The following FRMD4A variants were observed in gnomAD, a reference collection of about 807,000 sequenced individuals.
FRMD4A encodes FERM domain-containing protein 4A.
In FRMD4A, 29 loss-of-function variants were observed where a neutral mutation model predicts 129.1. The ratio of observed to expected loss-of-function variants is 0.22; its 90% CI spans 0.17 to 0.31. The LOEUF (loss-of-function observed/expected upper bound fraction) is 0.31, where lower values mean the gene tolerates loss of function less well. Among genes scored for constraint, FRMD4A ranks in the 10% least tolerant of loss-of-function variants. The probability of loss-of-function intolerance (pLI) is 1.00; values close to 1 mark genes in which losing one functional copy is unlikely to be tolerated. For missense variants in FRMD4A, 1,272 were observed against 1,375.8 expected, an observed-to-expected ratio of 0.92 and a Z score of 1.19; for synonymous variants, 634 against 571.6, an observed-to-expected ratio of 1.11 and a Z score of -1.56.
At chr10:13,836,656 A>G (rs923475292) in intron 3 of FRMD4A, among the ~76,000 whole-genome samples, 2 of 152,124 alleles carry the variant, frequency 1.3e-5, no homozygotes, top group African/African-American at 2.4e-5. Flanking sequence ...ACATACCCCA[A>G]AATGAGTTTG....
At chr10:14,082,169 C>G (rs1474234177) in intron 2 of FRMD4A, among the ~76,000 whole-genome samples, 2 of 152,122 alleles carry the variant, frequency 1.3e-5, no homozygotes, top group East Asian at 3.9e-4. Context: ...ATTGCTTGAA[C>G]CTGGGAGGCA....
chr10:13,799,798 G>C (rs1219968537), intron 4 of FRMD4A, among the ~76,000 whole-genome samples: 1 of 152,080 alleles, frequency 6.6e-6, no homozygotes, highest in Non-Finnish European at 1.5e-5. Flanking sequence ...GCCTAAGTCT[G>C]GGGTTTCTTT....
In FRMD4A at chr10:13,861,520, T is replaced by G. The variant is rs1358632094; in HGVS notation, c.46-2608A>C. On this transcript the variant is annotated intron_variant, in intron 2 of 24. Coordinates refer to ENST00000357447, the MANE Select transcript of FRMD4A (RefSeq NM_018027.5). Reference sequence around the variant, plus strand: ...TAACAATGACTTAGCAGCCCCCAGCTCTGAGAAAAATCAAGAAAAGTTTCA... The same window carrying G: ...TAACAATGACTTAGCAGCCCCCAGCGCTGAGAAAAATCAAGAAAAGTTTCA... 3.9e-5 allele frequency among the ~76,000 whole-genome samples: 6 copies of G among 152,324 alleles called. No homozygotes were observed. The East Asian group carries it at 5.8e-4, about 15-fold the overall frequency.
intron 2 of FRMD4A, among the ~76,000 whole-genome samples, chr10:14,295,655 C>T (rs72780816): frequency 9.9e-5 from 15 of 152,282 alleles, no homozygotes; most frequent in Non-Finnish European, 1.6e-4. Context: ...GGGGATGGCG[C>T]TTACAAAATC....
chr10:13,918,780 G>A (rs570762405), intron 2 of FRMD4A, among the ~76,000 whole-genome samples: 3 of 151,788 alleles, frequency 2.0e-5, no homozygotes, highest in South Asian at 4.2e-4. Context: ...CGCCTGCCTC[G>A]GCCTCCCAAA....
intron 5 of FRMD4A, among the ~76,000 whole-genome samples, chr10:13,796,087 T>A (rs1430646862): frequency 6.6e-6 from 1 of 152,138 alleles, no homozygotes; most frequent in Non-Finnish European, 1.5e-5. Context: ...CTACCCAGGT[T>A]TCACGAGATT....
intron 2 of FRMD4A, among the ~76,000 whole-genome samples, chr10:14,098,047 T>TAGA: frequency 1.1e-5 from 1 of 91,478 alleles, no homozygotes; most frequent in African/African-American, 3.4e-5. Flanking sequence ...ATATAAATTA[T>TAGA]TTATTATATA....
chr10:13,821,136 CG>C lies in FRMD4A; in HGVS notation c.112-10229del, dbSNP rs974415190. Among the ~76,000 whole-genome samples, 5 of 152,166 alleles carry C rather than the reference CG, an allele frequency of 3.3e-5. No individual in the cohort carries two copies. The highest frequency in any genetic ancestry group is 3.9e-4 in the East Asian group (2 of 5,182). ...TATTCCCGGGGAGGGGAAGCTGCTGCGGGGGGTGCATGAGGTGACTCTGTGC... is the reference window on the plus strand; with the variant it reads ...TATTCCCGGGGAGGGGAAGCTGCTGCGGGGGTGCATGAGGTGACTCTGTGC... On this transcript the variant is annotated intron_variant, in intron 3 of 24. Coordinates refer to ENST00000357447, the MANE Select transcript of FRMD4A (RefSeq NM_018027.5). The surrounding 1 kb of genome is among the most constrained non-coding windows in gnomAD (Gnocchi z 4.3).
At chr10:14,085,343 T>C (rs1458186519) in intron 2 of FRMD4A, among the ~76,000 whole-genome samples, 1 of 152,192 alleles carries the variant, frequency 6.6e-6, no homozygotes, top group East Asian at 1.9e-4. Flanking sequence ...CCTCACGTGG[T>C]TGCAGGGTTT....
rs369140395 is a variant in FRMD4A at position 14,283,771 on chromosome 10, T to G, written c.45+46287A>C. Among the ~76,000 whole-genome samples the G allele has an allele frequency of 5.3e-5, 8 of 152,236 alleles. No homozygotes were observed. The South Asian group carries it at 1.7e-3, about 32-fold the overall frequency. ...GGTCATTGAATCTGAGCTCTGGTTT[T>G]AAAATACCCAATCGTGGGCAAGTTT... On this transcript the variant is annotated intron_variant, in intron 2 of 24. Coordinates refer to ENST00000357447, the MANE Select transcript of FRMD4A (RefSeq NM_018027.5).
intron 2 of FRMD4A, among the ~76,000 whole-genome samples, chr10:13,962,181 G>A (rs1018378842): frequency 6.6e-5 from 10 of 152,134 alleles, no homozygotes; most frequent in East Asian, 1.9e-4. Context: ...AGACTACTCC[G>A]AATACACCAT....
At chr10:13,670,732 T>C (rs913395718) in intron 16 of FRMD4A, among the ~76,000 whole-genome samples, 3 of 152,254 alleles carry the variant, frequency 2.0e-5, no homozygotes, top group African/African-American at 7.2e-5. Context: ...TCTCTAACAA[T>C]GTCTCTTATG....
At chr10:13,675,092 A>G (rs376233770) in intron 15 of FRMD4A, 48 bp from the exon 16 acceptor site, 10 of 1,557,152 alleles carry the variant, frequency 6.4e-6, no homozygotes, top group Non-Finnish European at 8.8e-6. Context: ...GGGGACACAC[A>G]TCTGGACCAC....
chr10:14,074,575 A>C (rs953846174), intron 2 of FRMD4A: 2 of 152,250 alleles, frequency 1.3e-5, no homozygotes, highest in African/African-American at 4.8e-5. Context: ...GTCACGCCTC[A>C]GGAACACGTA....
intron 17 of FRMD4A, among the ~76,000 whole-genome samples, chr10:13,666,756 A>C (rs2083070337): frequency 6.6e-6 from 1 of 152,036 alleles, no homozygotes; most frequent in Non-Finnish European, 1.5e-5. Context: ...CTTGCTACCA[A>C]GGAGCTCACA....
chr10:13,700,097 T>C (rs1554851472), intron 14 of FRMD4A, among the ~76,000 whole-genome samples: 1 of 151,868 alleles, frequency 6.6e-6, no homozygotes, highest in Non-Finnish European at 1.5e-5. Flanking sequence ...CATTTCGTCC[T>C]GTCCTCTTTT....
intron 2 of FRMD4A, among the ~76,000 whole-genome samples, chr10:13,917,929 G>A (rs2095028690): frequency 6.6e-6 from 1 of 152,176 alleles, no homozygotes; most frequent in Non-Finnish European, 1.5e-5. Flanking sequence ...CTGCAGGAAA[G>A]TTCAGAGGAT....
At chr10:13,766,040 A>G (rs937674318) in intron 6 of FRMD4A, among the ~76,000 whole-genome samples, 2 of 152,252 alleles carry the variant, frequency 1.3e-5, no homozygotes, top group African/African-American at 4.8e-5. Context: ...TTAAGTGTGA[A>G]CATAGCTTTT....
At chr10:14,185,583 TAAGAAAGAGAAACA>T (rs1564371478) in intron 2 of FRMD4A, among the ~76,000 whole-genome samples, 2 of 151,580 alleles carry the variant, frequency 1.3e-5, no homozygotes, top group African/African-American at 4.8e-5. Context: ...TCTCGTCTTG[TAAGAAAGAGAAACA>T]GGTAGAGAGA....
Sources: gnomAD v4.1 joint callset for allele counts (sites outside exome capture counted in the v4.1 genomes callset) on GRCh38, gnomAD v4.1.1 for gene constraint, Gnocchi (gnomAD v3.1) non-coding constraint, MANE v1.5 for transcripts, NCBI Gene and HGNC (gene_info 2026-07-23, HGNC 2026-07-21) for gene names.